RABEP1: variants seen among roughly 807,000 people sequenced by gnomAD.
RABEP1 encodes rab GTPase-binding effector protein 1.
In RABEP1, 51 loss-of-function variants were observed where a neutral mutation model predicts 123.4. The observed-to-expected ratio is 0.41, with a 90% CI of 0.33 to 0.52. The LOEUF (loss-of-function observed/expected upper bound fraction) is 0.52, where lower values mean the gene tolerates loss of function less well. Ranked by LOEUF, RABEP1 falls within the 20% of genes least tolerant of loss-of-function variation. The pLI is 0.16. For synonymous variants in RABEP1, 347 were observed against 355.2 expected (o/e 0.98, Z 0.26); for missense variants, 888 against 996.3 (o/e 0.89, Z 1.46).
intron 13 of RABEP1, among the ~76,000 whole-genome samples, chr17:5,374,649 T>A (rs1269537551): frequency 6.6e-6 from 1 of 151,852 alleles, no homozygotes; most frequent in Admixed American, 6.6e-5. Flanking sequence ...TATTTTATTT[T>A]TATTTTTTGA....
At position 5,350,461 on chromosome 17, in the gene RABEP1, C is replaced by T. The variant is rs374140401; in HGVS notation, c.795C>T (p.Leu265=). The part of the protein sequence containing the change: ...LRKELHEVCH[L]LEQERQQHNQ... The stretch of plus-strand genomic sequence containing the variant: ...GGGGTTCCTAAACAGTTTGCCATCT[C>T]TTGGAGCAAGAGCGACAACAACACA... Residue 265 remains leucine (L), a synonymous_variant, in exon 7 of 18, where the codon CTC becomes CTT. Coordinates refer to ENST00000537505, the MANE Select transcript of RABEP1 (RefSeq NM_004703.6). 4 of 1,611,812 alleles carry T rather than the reference C, an allele frequency of 2.5e-6. No individual in the cohort carries two copies. Among genetic ancestry groups the T allele is most frequent in the Non-Finnish European group, 3.4e-6 (4 of 1,179,334 alleles).
chr17:5,384,285 T>C lies in RABEP1; in HGVS notation c.*1062T>C, dbSNP rs1597307676. ...TTTTACAAGCATTAGATTCCTTTCC[T>C]GTGTGAAGAAAGCCTCAGTGAAACA... On this transcript the variant is annotated 3_prime_UTR_variant, in exon 18 of 18. Transcript: ENST00000537505. 2 of 214,092 alleles carry C rather than the reference T, an allele frequency of 9.3e-6. No homozygotes were observed. Among genetic ancestry groups the C allele is most frequent in the East Asian group, 1.4e-4 (2 of 14,216 alleles). 13.3% of individuals were successfully genotyped at this position (214,092 alleles called of 1,614,324 possible).
At chr17:5,313,855 T>C (rs944147731) in intron 2 of RABEP1, among the ~76,000 whole-genome samples, 1 of 152,272 alleles carries the variant, frequency 6.6e-6, no homozygotes, top group Admixed American at 6.5e-5. Flanking sequence ...AGGTCAATGC[T>C]GATTATTAGT....
chr17:5,381,556 C>T, intron 17 of RABEP1, 51 bp downstream of exon 17: 4 of 1,575,018 alleles, frequency 2.5e-6, no homozygotes, highest in Non-Finnish European at 3.4e-6. Context: ...TTTTGGGGGA[C>T]AGAACCTTGC....
intron 1 of RABEP1, among the ~76,000 whole-genome samples, chr17:5,293,230 T>A (rs1175384656): frequency 6.6e-6 from 1 of 151,890 alleles, no homozygotes; most frequent in African/African-American, 2.4e-5. Flanking sequence ...GAGGTTGCAG[T>A]GAGCCGAGAT....
At chr17:5,294,557 T>C (rs1417384991) in intron 1 of RABEP1, among the ~76,000 whole-genome samples, 4 of 133,806 alleles carry the variant, frequency 3.0e-5, no homozygotes, top group African/African-American at 1.1e-4. Flanking sequence ...ATAAGGGACT[T>C]GAATATCATC....
In RABEP1 at chr17:5,384,604, C is replaced by T. The variant is rs374735868; in HGVS notation, c.*1381C>T. The T allele has an allele frequency of 4.6e-6, 1 of 215,298 alleles. No individual in the cohort carries two copies. The allele number at this position is 215,298 out of a possible 1,614,324, so 13.3% of individuals were successfully genotyped here. A position where few individuals can be genotyped will look rare whatever the true frequency, so the allele number is the denominator to read the frequency against. On this transcript the variant is annotated 3_prime_UTR_variant, in exon 18 of 18. Transcript: ENST00000537505. ...ATAAATGAGGTCACTATGGACTTAC[C>T]CTAAAGATCTTCTGTACTTCTGTCT...
At chr17:5,295,303 C>T (rs2075072472) in intron 1 of RABEP1, among the ~76,000 whole-genome samples, 1 of 151,812 alleles carries the variant, frequency 6.6e-6, no homozygotes. Context: ...GCAGGACAAT[C>T]CCTTGAACCC....
At chr17:5,345,243 A>G (rs527810055) in intron 5 of RABEP1, among the ~76,000 whole-genome samples, 1 of 152,192 alleles carries the variant, frequency 6.6e-6, no homozygotes, top group Non-Finnish European at 1.5e-5. Flanking sequence ...TTGGTTTCTC[A>G]TGACCCTCAT....
At chr17:5,294,430 T>A (rs990483216) in intron 1 of RABEP1, among the ~76,000 whole-genome samples, 2 of 151,952 alleles carry the variant, frequency 1.3e-5, no homozygotes, top group African/African-American at 4.8e-5. Flanking sequence ...AAAAATGCAG[T>A]ATGACAACTA....
intron 4 of RABEP1, among the ~76,000 whole-genome samples, chr17:5,337,586 G>T (rs547443191): frequency 6.6e-6 from 1 of 152,098 alleles, no homozygotes; most frequent in African/African-American, 2.4e-5. Context: ...CCAGTTACTC[G>T]GGAGGCTGAG....
intron 1 of RABEP1, among the ~76,000 whole-genome samples, chr17:5,282,764 G>T (rs566444628): frequency 6.6e-6 from 1 of 151,036 alleles, no homozygotes; most frequent in African/African-American, 2.4e-5. Flanking sequence ...AGGGAAGGGC[G>T]TGGGGAGGCT....
At chr17:5,368,563 G>A (rs1000368863) in intron 12 of RABEP1, 95 bp downstream of exon 12, 26 of 838,484 alleles carry the variant, frequency 3.1e-5, no homozygotes, top group Non-Finnish European at 4.9e-5. Flanking sequence ...TTATCATCCT[G>A]TCCAAAGTAG....
chr17:5,324,765 A>T (rs1457611488), intron 2 of RABEP1, among the ~76,000 whole-genome samples: 4 of 152,242 alleles, frequency 2.6e-5, no homozygotes, highest in Non-Finnish European at 5.9e-5. Flanking sequence ...TTTTCAAAAG[A>T]CGTAAATGGC....
chr17:5,337,703 AT>A (rs892694683), intron 4 of RABEP1, among the ~76,000 whole-genome samples: 1 of 151,990 alleles, frequency 6.6e-6, no homozygotes, highest in African/African-American at 2.4e-5. Flanking sequence ...AAAAAAAAAA[AT>A]TTATTTATTA....
chr17:5,345,982 C>T lies in RABEP1; in HGVS notation c.649-808C>T, dbSNP rs556209561. 6.6e-5 allele frequency among the ~76,000 whole-genome samples: 10 copies of T among 152,144 alleles called. No individual in the cohort carries two copies. In the East Asian group the frequency reaches 1.9e-3, roughly 29 times the overall value. On this transcript the variant is annotated intron_variant, in intron 5 of 17. Transcript: ENST00000537505. ...TTGTATTTTTTTTGGTTATAACTTTCCTATATTAGACTATATTGTTACTAT... is the reference window on the plus strand; with the variant it reads ...TTGTATTTTTTTTGGTTATAACTTTTCTATATTAGACTATATTGTTACTAT...
At chr17:5,381,770 T>C (rs1911481559) in intron 17 of RABEP1, 1 of 297,144 alleles carries the variant, frequency 3.4e-6, no homozygotes, top group Non-Finnish European at 5.9e-6. Context: ...TGTAAGACTC[T>C]TCCCAACCAG....
chr17:5,325,336 G>A (rs747929032), intron 2 of RABEP1, among the ~76,000 whole-genome samples: 3 of 150,894 alleles, frequency 2.0e-5, no homozygotes, highest in South Asian at 2.1e-4. Context: ...GCAAAACTCC[G>A]TCCAAAAAAA....
intron 9 of RABEP1, chr17:5,362,048 C>T (rs1333783853): frequency 5.8e-6 from 1 of 173,076 alleles, no homozygotes; most frequent in East Asian, 1.5e-4. Context: ...TTCATCTTTC[C>T]TTTAGATCAA....
Sources: allele counts gnomAD v4.1 joint callset (sites outside exome capture counted in the v4.1 genomes callset), GRCh38; gene constraint gnomAD v4.1.1; transcripts MANE v1.5; gene names NCBI Gene and HGNC (gene_info 2026-07-23, HGNC 2026-07-21).